SYT16: variants seen among roughly 807,000 people sequenced by gnomAD.
SYT16 encodes synaptotagmin-16.
A neutral mutation model predicts 61.4 loss-of-function variants in SYT16; 42 were observed. That is an observed-to-expected ratio of 0.68 (90% CI 0.53 to 0.89). SYT16 has a LOEUF of 0.89. Among genes scored for constraint, SYT16 ranks in the 40% least tolerant of loss-of-function variants. The pLI, the probability that SYT16 is intolerant of heterozygous loss-of-function variation, is 0.00. For synonymous variants in SYT16, 314 were observed against 302.3 expected, an observed-to-expected ratio of 1.04 and a Z score of -0.40; for missense variants, 804 against 807.3, an observed-to-expected ratio of 1.00 and a Z score of 0.05.
At chr14:62,076,944 C>G (rs923422672) in intron 5 of SYT16, among the ~76,000 whole-genome samples, 1 of 152,130 alleles carries the variant, frequency 6.6e-6, no homozygotes, top group Non-Finnish European at 1.5e-5. Context: ...CCAAAAATAC[C>G]CAGACATCTC....
intron 3 of SYT16, among the ~76,000 whole-genome samples, chr14:62,062,981 G>A (rs915110266): frequency 3.3e-5 from 5 of 152,148 alleles, no homozygotes; most frequent in Non-Finnish European, 4.4e-5. Context: ...CAGCAGACAG[G>A]CTCAAGAAAT....
chr14:61,856,999 T>C lies in SYT16; in HGVS notation c.-325+44189T>C, dbSNP rs529306859. ...GTGGTTAAGTTAGATGAGGATCATCTTAGTTTGGGTTCTCTAAGGCAGAGA... is the reference window on the plus strand; with the variant it reads ...GTGGTTAAGTTAGATGAGGATCATCCTAGTTTGGGTTCTCTAAGGCAGAGA... On this transcript the variant is annotated intron_variant, in intron 1 of 7. Coordinates refer to ENST00000683842, the MANE Select transcript of SYT16 (RefSeq NM_001367656.1). 6.6e-5 allele frequency among the ~76,000 whole-genome samples: 10 copies of C among 152,282 alleles called. No individual in the cohort carries two copies. The East Asian group carries it at 1.7e-3, about 26-fold the overall frequency.
rs765675615 is a variant in SYT16, at chr14:62,039,873, A to ACACACG, written c.524-29725_524-29720dup. On this transcript the variant is annotated intron_variant, in intron 3 of 7. Coordinates refer to ENST00000683842, the MANE Select transcript of SYT16 (RefSeq NM_001367656.1). ...CACACACACACACACACACACACAC[A>ACACACG]CACACGCACATACACACTAGATTTT... 4.4e-3 allele frequency among the ~76,000 whole-genome samples: 490 copies of ACACACG among 110,310 alleles called. 4 individuals carry two copies. Among genetic ancestry groups the ACACACG allele is most frequent in the African/African-American group, 0.015 (472 of 31,772 alleles). The allele number at this position is 110,310 out of a possible 152,430, so 72.4% of individuals were successfully genotyped here. A position where few individuals can be genotyped will look rare whatever the true frequency, so the allele number is the denominator to read the frequency against.
intron 2 of SYT16, among the ~76,000 whole-genome samples, chr14:61,992,393 G>C (rs551149441): frequency 6.6e-6 from 1 of 152,058 alleles, no homozygotes; most frequent in African/African-American, 2.4e-5. Flanking sequence ...GCATTATTGC[G>C]GACAGCTCAG....
intron 2 of SYT16, among the ~76,000 whole-genome samples, chr14:61,977,543 AC>A (rs2051867959): frequency 6.6e-6 from 1 of 151,872 alleles, no homozygotes; most frequent in Non-Finnish European, 1.5e-5. Context: ...CATGATACTC[AC>A]TCACTATCAT....
At chr14:61,931,404 A>T (rs921306587) in intron 1 of SYT16, among the ~76,000 whole-genome samples, 2 of 152,018 alleles carry the variant, frequency 1.3e-5, no homozygotes, top group African/African-American at 4.8e-5. Context: ...AAATTATGTG[A>T]TAGCATTTTA....
At position 62,107,529 on chromosome 14, in the gene SYT16, C is replaced by G. The variant is rs2057534859; in HGVS notation, c.*6822C>G. ...GATGGATAAAATAGTTTAAGTTCAA[C>G]AATATTTTTTTGTTGTTTCTAAATA... is the stretch of plus-strand genomic sequence containing the variant. On this transcript the variant is annotated 3_prime_UTR_variant, in exon 8 of 8. Transcript: ENST00000683842. 6.6e-6 allele frequency: 1 copy of G among 152,120 alleles called. No individual in the cohort carries two copies. Among genetic ancestry groups the G allele is most frequent in the African/African-American group, 2.4e-5 (1 of 41,414 alleles). The allele number at this position is 152,120 out of a possible 1,614,324, so 9.4% of individuals were successfully genotyped here. A position where few individuals can be genotyped will look rare whatever the true frequency, so the allele number is the denominator to read the frequency against.
chr14:61,814,363 C>T (rs376906537), intron 1 of SYT16, among the ~76,000 whole-genome samples: 3 of 152,170 alleles, frequency 2.0e-5, no homozygotes, highest in South Asian at 2.1e-4. Context: ...GAGATTTGGC[C>T]TTATTGTGTT....
chr14:61,843,943 T>A (rs937006148), intron 1 of SYT16, among the ~76,000 whole-genome samples: 1 of 152,188 alleles, frequency 6.6e-6, no homozygotes, highest in Admixed American at 6.5e-5. Flanking sequence ...GTGAAGAATG[T>A]CATTGGTATT....
chr14:61,938,593 C>A (rs2050082757), intron 1 of SYT16, among the ~76,000 whole-genome samples: 1 of 151,960 alleles, frequency 6.6e-6, no homozygotes, highest in Admixed American at 6.6e-5. Context: ...GTGGGATAAA[C>A]CTGGAGTTGA....
At chr14:61,883,976 C>T (rs946890955) in intron 1 of SYT16, among the ~76,000 whole-genome samples, 2 of 151,904 alleles carry the variant, frequency 1.3e-5, no homozygotes, top group Non-Finnish European at 2.9e-5. Context: ...GGAAACTGCT[C>T]CCATGATCCG....
chr14:61,928,219 G>T (rs1319401957), intron 1 of SYT16, among the ~76,000 whole-genome samples: 1 of 152,196 alleles, frequency 6.6e-6, no homozygotes, highest in African/African-American at 2.4e-5. Flanking sequence ...GAGGCTAGAG[G>T]TGGGAAGGTG....
chr14:62,038,726 G>C (rs1298969349), intron 3 of SYT16, among the ~76,000 whole-genome samples: 1 of 152,142 alleles, frequency 6.6e-6, no homozygotes, highest in African/African-American at 2.4e-5. Context: ...AGGAAAATGT[G>C]ATGGAAGGAC....
chr14:61,869,769 C>CCTTT (rs2047272589), intron 1 of SYT16, among the ~76,000 whole-genome samples: 1 of 152,132 alleles, frequency 6.6e-6, no homozygotes, highest in Non-Finnish European at 1.5e-5. Context: ...AGAGAGTTTT[C>CCTTT]TTTCCCTTTT....
chr14:61,971,619 A>G (rs748664523), intron 2 of SYT16, among the ~76,000 whole-genome samples: 3 of 152,248 alleles, frequency 2.0e-5, no homozygotes, highest in Admixed American at 6.5e-5. Flanking sequence ...CATTGAGCAC[A>G]GCTCAAGCTC....
At position 62,084,344 on chromosome 14, in the gene SYT16, A is replaced by C; in HGVS notation, c.1583A>C (p.Lys528Thr). Residue 528 changes from lysine (K) to threonine (T), a missense_variant, in exon 7 of 8, where the codon AAA (lysine) becomes ACA (threonine). By Grantham distance (78) the Lys-to-Thr change is moderately conservative (BLOSUM62 -1). Transcript: ENST00000683842. ...TTGRLSVEMI[K>T]GSHFRNLAVN... ...GGGCGATTATCTGTGGAAATGATCA[A>C]AGGCAGCCATTTCCGAAACCTCGCT... 6.2e-7 allele frequency: 1 copy of C among 1,613,164 alleles called. No individual in the cohort carries two copies. The highest frequency in any genetic ancestry group is 8.5e-7 in the Non-Finnish European group (1 of 1,179,786).
At chr14:61,856,584 G>C (rs1171063581) in intron 1 of SYT16, among the ~76,000 whole-genome samples, 1 of 152,130 alleles carries the variant, frequency 6.6e-6, no homozygotes, top group Non-Finnish European at 1.5e-5. Flanking sequence ...GGAAGGAGCG[G>C]GTTTGGGCGG....
intron 1 of SYT16, among the ~76,000 whole-genome samples, chr14:61,904,322 G>C (rs1356413875): frequency 6.6e-6 from 1 of 152,158 alleles, no homozygotes; most frequent in Non-Finnish European, 1.5e-5. Context: ...TTAGGTGTGG[G>C]GTTGGCTTCT....
At chr14:62,012,323 C>T (rs945087155) in intron 3 of SYT16, among the ~76,000 whole-genome samples, 2 of 152,134 alleles carry the variant, frequency 1.3e-5, no homozygotes, top group East Asian at 3.9e-4. Context: ...CTGAGGGCCC[C>T]AGCTTCTTGC....
Sources: gnomAD v4.1 joint callset for allele counts (sites outside exome capture counted in the v4.1 genomes callset) on GRCh38, gnomAD v4.1.1 for gene constraint, MANE v1.5 for transcripts, NCBI Gene and HGNC (gene_info 2026-07-23, HGNC 2026-07-21) for gene names.